FAT3: variants seen among roughly 807,000 people sequenced by gnomAD.
The protein encoded by FAT3 is protocadherin Fat 3.
Under a neutral mutation model 310.2 loss-of-function variants are expected in FAT3, and 95 were observed. The ratio of observed to expected loss-of-function variants is 0.31; its 90% CI spans 0.26 to 0.36. FAT3 has a LOEUF of 0.36. Ranked by LOEUF, FAT3 falls within the 10% of genes least tolerant of loss-of-function variation. The probability of loss-of-function intolerance (pLI) is 1.00; values close to 1 mark genes in which losing one functional copy is unlikely to be tolerated. For missense variants in FAT3, 5,408 were observed against 5,715.6 expected (o/e 0.95, Z 1.74); for synonymous variants, 2,314 against 2,192.9 (o/e 1.06, Z -1.54).
At chr11:92,857,404 C>T in intron 20 of FAT3, 56 bp downstream of exon 20, 1 of 1,606,360 alleles carries the variant, frequency 6.2e-7, no homozygotes, top group Non-Finnish European at 8.5e-7. Flanking sequence ...AAACACTTGC[C>T]CTTGAGTAAA....
intron 3 of FAT3, among the ~76,000 whole-genome samples, chr11:92,534,544 A>G (rs1279322398): frequency 1.3e-5 from 2 of 152,076 alleles, no homozygotes; most frequent in African/African-American, 4.8e-5. Context: ...AAGACACACA[A>G]CTCCCAGCCC....
At chr11:92,645,981 T>G (rs1035268610) in intron 3 of FAT3, among the ~76,000 whole-genome samples, 2 of 152,260 alleles carry the variant, frequency 1.3e-5, no homozygotes, top group African/African-American at 4.8e-5. Context: ...ATCCAATCGC[T>G]TCAACAAATA....
chr11:92,483,076 A>G (rs1952277349), intron 2 of FAT3, among the ~76,000 whole-genome samples: 1 of 152,166 alleles, frequency 6.6e-6, no homozygotes, highest in South Asian at 2.1e-4. Flanking sequence ...CAGCTAAATA[A>G]ATAAACTGAG....
At chr11:92,785,864 A>C (rs769715576) in intron 7 of FAT3, among the ~76,000 whole-genome samples, 91 of 152,306 alleles carry the variant, frequency 6.0e-4, no homozygotes, top group Non-Finnish European at 1.1e-3. Context: ...ACAAGTGAGA[A>C]TAGCAAGGAA....
intron 1 of FAT3, among the ~76,000 whole-genome samples, chr11:92,245,156 A>G (rs887988973): frequency 6.6e-6 from 1 of 152,202 alleles, no homozygotes; most frequent in Non-Finnish European, 1.5e-5. Flanking sequence ...AATACTATGC[A>G]GCCATAAAAA....
chr11:92,259,547 A>T (rs1239810753), intron 1 of FAT3, among the ~76,000 whole-genome samples: 1 of 147,604 alleles, frequency 6.8e-6, no homozygotes, highest in Admixed American at 6.7e-5. Context: ...CTAACAAAAA[A>T]TAAATAAATA....
At chr11:92,874,194 A>G (rs1949467889) in intron 22 of FAT3, among the ~76,000 whole-genome samples, 2 of 152,348 alleles carry the variant, frequency 1.3e-5, no homozygotes, top group South Asian at 4.1e-4. Flanking sequence ...TCACATTTAC[A>G]AAAGTGGTAA....
intron 1 of FAT3, among the ~76,000 whole-genome samples, chr11:92,328,484 T>C (rs566176694): frequency 1.3e-5 from 2 of 152,342 alleles, no homozygotes; most frequent in South Asian, 4.1e-4. Context: ...AGTAGTGATA[T>C]CCTCTGGGTA....
chr11:92,794,197 T>G (rs2136167169), intron 9 of FAT3, among the ~76,000 whole-genome samples: 1 of 152,266 alleles, frequency 6.6e-6, no homozygotes, highest in East Asian at 1.9e-4. Context: ...ACATTTTTAT[T>G]ACTTAATTAT....
At position 92,798,968 on chromosome 11, in the gene FAT3, C is replaced by T; in HGVS notation, c.5955C>T (p.Ser1985=). ...ACAGCGGCCTCCACTTTACACAAAG[C>T]TTCTATTCCACCTCAATCTCAGAGA... The part of the protein sequence containing the change: ...AMDSGLHFTQ[S]FYSTSISENN... The change falls in exon 10 of 28, where the codon AGC becomes AGT. Residue 1985 remains serine, a synonymous_variant. Transcript: ENST00000525166. 6.2e-7 allele frequency: 1 copy of T among 1,613,976 alleles called. No individual in the cohort carries two copies. The highest frequency in any genetic ancestry group is 8.5e-7 in the Non-Finnish European group (1 of 1,179,878).
chr11:92,521,870 C>T (rs1953696479), intron 2 of FAT3, among the ~76,000 whole-genome samples: 1 of 152,124 alleles, frequency 6.6e-6, no homozygotes, highest in South Asian at 2.1e-4. Context: ...GTTCTAGAGT[C>T]TTTGGTCTTC....
intron 9 of FAT3, among the ~76,000 whole-genome samples, chr11:92,794,021 G>A (rs937882651): frequency 5.9e-5 from 9 of 151,952 alleles, no homozygotes; most frequent in Non-Finnish European, 1.3e-4. Flanking sequence ...TCTGTGCTAA[G>A]CTCTACTTAA....
At chr11:92,868,146 G>C (rs7110126) in intron 22 of FAT3, among the ~76,000 whole-genome samples, 125,167 of 152,116 alleles carry the variant, frequency 0.82, 51,704 homozygotes, top group South Asian at 0.9. Flanking sequence ...GTGTCATTAG[G>C]AAATTTAAAC....
At chr11:92,680,875 C>A (rs1431270558) in intron 3 of FAT3, among the ~76,000 whole-genome samples, 1 of 152,334 alleles carries the variant, frequency 6.6e-6, no homozygotes, top group East Asian at 1.9e-4. Flanking sequence ...CTGGATCCTT[C>A]TGACTCCCAT....
At chr11:92,482,678 C>G (rs1952263948) in intron 2 of FAT3, among the ~76,000 whole-genome samples, 1 of 152,156 alleles carries the variant, frequency 6.6e-6, no homozygotes. Flanking sequence ...CAGCCCAATA[C>G]AGTAACCTCT....
intron 4 of FAT3, among the ~76,000 whole-genome samples, chr11:92,754,402 G>T (rs1945923450): frequency 6.6e-6 from 1 of 151,600 alleles, no homozygotes; most frequent in African/African-American, 2.4e-5. Flanking sequence ...GAGGCGGGCG[G>T]ATCACGAGGT....
At chr11:92,512,062 T>G (rs1953309087) in intron 2 of FAT3, among the ~76,000 whole-genome samples, 1 of 152,156 alleles carries the variant, frequency 6.6e-6, no homozygotes, top group Non-Finnish European at 1.5e-5. Flanking sequence ...GTGACTTCTA[T>G]TCAGTGTGCC....
rs777304473 is a variant in FAT3, at chr11:92,844,422, G to T, written c.11055G>T (p.Leu3685=). Residue 3685 remains leucine, a synonymous_variant, in exon 19 of 28, where the codon CTG becomes CTT. Coordinates refer to ENST00000525166, the MANE Select transcript of FAT3 (RefSeq NM_001367949.2). ...TCCTCACCCAGAAGCAGGACAGCCTGCGCATCATCAGCATCCAGCCCGTGG... is the reference window on the plus strand; with the variant it reads ...TCCTCACCCAGAAGCAGGACAGCCTTCGCATCATCAGCATCCAGCCCGTGG... The part of the protein sequence containing the change: ...NAVLTQKQDS[L]RIISIQPVAG... 6.2e-7 allele frequency: 1 copy of T among 1,613,996 alleles called. No homozygotes were observed.
At chr11:92,481,047 A>G (rs1591348752) in intron 2 of FAT3, among the ~76,000 whole-genome samples, 1 of 152,220 alleles carries the variant, frequency 6.6e-6, no homozygotes. Flanking sequence ...AGTGTACTTC[A>G]TTTAAGAGAA....
Sources: allele counts gnomAD v4.1 joint callset (sites outside exome capture counted in the v4.1 genomes callset), GRCh38; gene constraint gnomAD v4.1.1; transcripts MANE v1.5; gene names NCBI Gene and HGNC (gene_info 2026-07-23, HGNC 2026-07-21).